Variants in TBC1D1 observed in about 807,000 individuals in gnomAD.
The protein encoded by TBC1D1 is TBC1 (tre-2/USP6, BUB2, cdc16) domain family, member 1.
In TBC1D1, 89 loss-of-function variants were observed where a neutral mutation model predicts 125.6. The ratio of observed to expected loss-of-function variants is 0.71; its 90% CI spans 0.60 to 0.85. TBC1D1 has a LOEUF of 0.85. Ranked by LOEUF, TBC1D1 falls within the 40% of genes least tolerant of loss-of-function variation. TBC1D1 has a pLI of 0.00. For missense variants in TBC1D1, 1,377 were observed against 1,469.2 expected (o/e 0.94, Z 1.03); for synonymous variants, 565 against 564.1 (o/e 1.00, Z -0.02).
In TBC1D1 at chr4:38,006,726, A is replaced by G. The variant is rs187894603; in HGVS notation, c.418-7783A>G. ...AATCTCCTGACCTTGTGATCCGCCC[A>G]CCTTGGCCTCCCAAAGTGCTGGGAT... is the stretch of plus-strand genomic sequence containing the variant. On this transcript the variant is annotated intron_variant, in intron 2 of 19. Coordinates refer to ENST00000261439, the MANE Select transcript of TBC1D1 (RefSeq NM_015173.4). 2,493 of 377,980 alleles carry G rather than the reference A, an allele frequency of 6.6e-3. 55 individuals carry two copies. Among genetic ancestry groups the G allele is most frequent in the South Asian group, 0.034 (1,498 of 44,334 alleles). 23.4% of individuals were successfully genotyped at this position (377,980 alleles called of 1,614,324 possible).
At chr4:38,021,805 T>A in intron 6 of TBC1D1, 87 bp downstream of exon 6, 6 of 1,346,950 alleles carry the variant, frequency 4.5e-6, no homozygotes, top group Non-Finnish European at 5.8e-6. Context: ...GTTGGAAGAT[T>A]CTGCCTAACA....
chr4:38,119,834 C>A, intron 17 of TBC1D1: 2 of 452,998 alleles, frequency 4.4e-6, no homozygotes, highest in Non-Finnish European at 5.8e-6. Context: ...GAAGAAAATT[C>A]TACCAAGGCA....
In TBC1D1 at chr4:37,902,194, C is replaced by T; in HGVS notation, c.99C>T (p.Ser33=). The change falls in exon 2 of 20, where the codon TCC becomes TCT. Residue 33 remains serine, a synonymous_variant. Coordinates refer to ENST00000261439, the MANE Select transcript of TBC1D1 (RefSeq NM_015173.4). ...TGGTGGGCTCCCTGCCTGTGCATTC[C>T]CTGACCACCATGCCCATGCTGCCCT... The T allele has an allele frequency of 6.2e-7, 1 of 1,614,048 alleles. No homozygotes were observed. The highest frequency in any genetic ancestry group is 8.5e-7 in the Non-Finnish European group (1 of 1,180,014).
intron 2 of TBC1D1, among the ~76,000 whole-genome samples, chr4:37,927,668 T>A (rs2152283520): frequency 6.6e-6 from 1 of 152,362 alleles, no homozygotes; most frequent in East Asian, 1.9e-4. Context: ...TATGGAAATA[T>A]GTGATGCAGA....
chr4:38,136,063 A>T (rs776470947), intron 19 of TBC1D1, among the ~76,000 whole-genome samples: 1 of 151,982 alleles, frequency 6.6e-6, no homozygotes. Context: ...TGCAGCTGTG[A>T]GCTGGGGAAC....
At chr4:37,961,470 T>C (rs1392705785) in intron 2 of TBC1D1, among the ~76,000 whole-genome samples, 5 of 152,250 alleles carry the variant, frequency 3.3e-5, no homozygotes, top group Non-Finnish European at 5.9e-5. Context: ...AAAATGTCTA[T>C]ATGGCTAAAT....
chr4:37,943,831 A>G (rs1000986309), intron 2 of TBC1D1, among the ~76,000 whole-genome samples: 17 of 152,156 alleles, frequency 1.1e-4, no homozygotes, highest in African/African-American at 4.1e-4. Context: ...TTCTTCCCTC[A>G]ACTCATCAAA....
chr4:37,995,736 G>T lies in TBC1D1; in HGVS notation c.418-18773G>T. 1 of 528,708 alleles carries T rather than the reference G, an allele frequency of 1.9e-6. No individual in the cohort carries two copies. The highest frequency in any genetic ancestry group is 1.4e-5 in the South Asian group (1 of 71,580). 32.8% of individuals were successfully genotyped at this position (528,708 alleles called of 1,614,324 possible). ...AGTATTTGGAAATGGTTGTCTGGAC[G>T]GCTTGCACTTTGGTCTTAACTGCAT... On this transcript the variant is annotated intron_variant, in intron 2 of 19. Transcript: ENST00000261439. This position sits in a 1 kb window ranked among gnomAD's most constrained non-coding sequence, Gnocchi z 4.3.
intron 2 of TBC1D1, among the ~76,000 whole-genome samples, chr4:37,928,326 TC>T (rs1439718891): frequency 6.6e-5 from 10 of 152,248 alleles, no homozygotes; most frequent in African/African-American, 2.4e-4. Flanking sequence ...TGTGATGAAG[TC>T]CAACAGCGGC....
intron 12 of TBC1D1, among the ~76,000 whole-genome samples, chr4:38,067,578 G>A (rs17425747): frequency 0.14 from 21,654 of 152,188 alleles, 1,673 homozygotes; most frequent in Non-Finnish European, 0.15. Context: ...ATTGCAGGTT[G>A]TAGATTGGAG....
intron 10 of TBC1D1, among the ~76,000 whole-genome samples, chr4:38,048,554 T>C (rs79627391): frequency 6.6e-6 from 1 of 151,962 alleles, no homozygotes; most frequent in Non-Finnish European, 1.5e-5. Flanking sequence ...TTTTTTTTTT[T>C]TTCAAATTAA....
intron 17 of TBC1D1, among the ~76,000 whole-genome samples, chr4:38,124,621 T>C (rs1764353849): frequency 6.6e-6 from 1 of 152,234 alleles, no homozygotes; most frequent in South Asian, 2.1e-4. Context: ...TCTTTTAGTG[T>C]GACCCATAAA....
At chr4:38,059,886 C>T (rs1195212103) in intron 12 of TBC1D1, among the ~76,000 whole-genome samples, 1 of 152,110 alleles carries the variant, frequency 6.6e-6, no homozygotes, top group East Asian at 1.9e-4. Context: ...CCCTGCCGCC[C>T]CCCAACAGGC....
intron 12 of TBC1D1, among the ~76,000 whole-genome samples, chr4:38,062,608 C>G (rs1306513080): frequency 6.6e-6 from 1 of 151,332 alleles, no homozygotes; most frequent in African/African-American, 2.4e-5. Context: ...CCCATCCGCC[C>G]CCTACCCCAC....
At chr4:38,096,119 A>T in intron 14 of TBC1D1, 29 bp downstream of exon 16, 1 of 1,590,612 alleles carries the variant, frequency 6.3e-7, no homozygotes. Context: ...CATCTAGTCA[A>T]CCTCACCCCT....
intron 13 of TBC1D1, among the ~76,000 whole-genome samples, chr4:38,091,030 A>G (rs1758333591): frequency 6.6e-6 from 1 of 152,242 alleles, no homozygotes; most frequent in Non-Finnish European, 1.5e-5. Context: ...TGTGAGTTTC[A>G]GTTGCATAGC....
intron 10 of TBC1D1, among the ~76,000 whole-genome samples, chr4:38,048,470 T>A (rs1030228227): frequency 1.6e-4 from 25 of 152,124 alleles, no homozygotes; most frequent in African/African-American, 5.8e-4. Flanking sequence ...TATTTCATAG[T>A]ATGTTGGGAA....
chr4:37,948,958 C>T (rs966381398), intron 2 of TBC1D1, among the ~76,000 whole-genome samples: 4 of 152,142 alleles, frequency 2.6e-5, no homozygotes, highest in Non-Finnish European at 5.9e-5. Context: ...AACTCATTTC[C>T]TTTTATGGAT....
chr4:38,068,221 A>G (rs1754069543), intron 12 of TBC1D1, among the ~76,000 whole-genome samples: 1 of 152,140 alleles, frequency 6.6e-6, no homozygotes, highest in African/African-American at 2.4e-5. Context: ...GTGTACTTCC[A>G]TTTGTGTCTC....
Sources: allele counts gnomAD v4.1 joint callset (sites outside exome capture counted in the v4.1 genomes callset), GRCh38; gene constraint gnomAD v4.1.1; non-coding constraint Gnocchi (gnomAD v3.1); transcripts MANE v1.5; gene names NCBI Gene and HGNC (gene_info 2026-07-23, HGNC 2026-07-21).